PHC2: variants seen among roughly 807,000 people sequenced by gnomAD.
PHC2 encodes polyhomeotic-like protein 2.
Under a neutral mutation model 87.4 loss-of-function variants are expected in PHC2, and 29 were observed. The observed-to-expected ratio is 0.33, with a 90% CI of 0.25 to 0.45. PHC2 has a LOEUF of 0.45. PHC2 is among the 20% of genes least tolerant of loss of function. The pLI is 1.00. For missense variants in PHC2, 857 were observed against 1,136.7 expected (o/e 0.75, Z 3.54); for synonymous variants, 438 against 461.7 (o/e 0.95, Z 0.66).
At chr1:33,346,013 A>C (rs1452743327) in intron 9 of PHC2, 1 of 985,172 alleles carries the variant, frequency 1.0e-6, no homozygotes, top group Non-Finnish European at 1.2e-6. Flanking sequence ...TTAACTGGTG[A>C]CTCATAGTTT....
At chr1:33,384,394 A>G (rs1648639118) in intron 1 of PHC2, among the ~76,000 whole-genome samples, 1 of 152,234 alleles carries the variant, frequency 6.6e-6, no homozygotes, top group African/African-American at 2.4e-5. Context: ...GATGGTCATA[A>G]TGAAGTCCCT....
At chr1:33,333,390 C>G (rs572162762) in intron 10 of PHC2, 2 of 152,572 alleles carry the variant, frequency 1.3e-5, no homozygotes, top group Non-Finnish European at 2.9e-5. Flanking sequence ...TTCATCAGAA[C>G]AGAGGCTGGT....
intron 9 of PHC2, among the ~76,000 whole-genome samples, chr1:33,341,080 A>G (rs1156786970): frequency 6.6e-6 from 1 of 152,158 alleles, no homozygotes; most frequent in Non-Finnish European, 1.5e-5. Context: ...GGTCACAAAA[A>G]AAGACTCTAG....
In PHC2 at chr1:33,354,481, TGTG is replaced by T. The variant is rs747897932; in HGVS notation, c.1475_1477del (p.Pro492del). 33 of 1,613,980 alleles carry T rather than the reference TGTG, an allele frequency of 2.0e-5. No homozygotes were observed. The highest frequency in any genetic ancestry group is 6.7e-5 in the African/African-American group (5 of 74,900). On this transcript the variant is annotated inframe_deletion, in exon 9 of 15. Coordinates refer to ENST00000683057, the MANE Select transcript of PHC2 (RefSeq NM_001385109.1). ...CATGGCAGTGACAATAGCCTGCTGA[TGTG>T]GTGATGGGCCAGACCGCGTCTCAGG...
chr1:33,365,480 C>T (rs933618905), intron 7 of PHC2, among the ~76,000 whole-genome samples: 2 of 152,112 alleles, frequency 1.3e-5, no homozygotes, highest in African/African-American at 4.8e-5. Flanking sequence ...GCAGATGGTC[C>T]GCCAGGGCAT....
chr1:33,347,363 C>A (rs1402052861), intron 9 of PHC2: 9 of 985,272 alleles, frequency 9.1e-6, no homozygotes, highest in Non-Finnish European at 1.1e-5. Flanking sequence ...AGAATGATGA[C>A]TGTGACAGAA....
chr1:33,341,618 T>C (rs1646746926), intron 9 of PHC2, among the ~76,000 whole-genome samples: 1 of 152,246 alleles, frequency 6.6e-6, no homozygotes, highest in South Asian at 2.1e-4. Context: ...TGCTATTATT[T>C]AATATCATGT....
chr1:33,357,049 CA>C (rs1428353069), intron 7 of PHC2, among the ~76,000 whole-genome samples: 2 of 152,256 alleles, frequency 1.3e-5, no homozygotes, highest in African/African-American at 4.8e-5. Flanking sequence ...TTGCACAGAT[CA>C]CTCTCTGGCT....
At chr1:33,399,218 A>G (rs1649416022) in intron 1 of PHC2, among the ~76,000 whole-genome samples, 1 of 152,098 alleles carries the variant, frequency 6.6e-6, no homozygotes, top group Non-Finnish European at 1.5e-5. Flanking sequence ...AGAAAGAACA[A>G]TCCTTGAAGG....
At chr1:33,379,584 G>T (rs1259615904) in intron 1 of PHC2, among the ~76,000 whole-genome samples, 2 of 144,112 alleles carry the variant, frequency 1.4e-5, no homozygotes, top group Non-Finnish European at 3.0e-5. Flanking sequence ...CCTGCCCCTG[G>T]TCCCTGCCAT....
At chr1:33,390,092 GGGCT>G (rs1230739170) in intron 1 of PHC2, among the ~76,000 whole-genome samples, 3 of 152,106 alleles carry the variant, frequency 2.0e-5, no homozygotes, top group African/African-American at 7.2e-5. Context: ...AAGTAGAGTG[GGGCT>G]GGCTGTGAGG....
chr1:33,377,613 T>G (rs1444863332), intron 1 of PHC2, among the ~76,000 whole-genome samples: 1 of 151,910 alleles, frequency 6.6e-6, no homozygotes, highest in Non-Finnish European at 1.5e-5. Context: ...ACCCATTCCT[T>G]CCTACATGGA....
At chr1:33,346,598 A>G in intron 9 of PHC2, 1 of 985,390 alleles carries the variant, frequency 1.0e-6, no homozygotes, top group Non-Finnish European at 1.2e-6. Context: ...TAAACACCGT[A>G]CTAATGATGA....
intron 4 of PHC2, 21 bp from the exon 5 acceptor site, chr1:33,370,606 G>A (rs200556589): frequency 6.7e-5 from 107 of 1,601,140 alleles, no homozygotes; most frequent in Admixed American, 2.7e-4. Flanking sequence ...AGACATGTGC[G>A]GTAGGAGATA....
intron 9 of PHC2, chr1:33,346,092 A>C (rs554283214): frequency 1.0e-6 from 1 of 985,334 alleles, no homozygotes; most frequent in Non-Finnish European, 1.2e-6. Context: ...GGGGTAGTTC[A>C]GTTTTGGGTT....
Position 33,330,214 on chromosome 1 carries a change from T to G in PHC2, c.2007-2A>C. 6.2e-7 allele frequency: 1 copy of G among 1,613,978 alleles called. No homozygotes were observed. Among genetic ancestry groups the G allele is most frequent in the Non-Finnish European group, 8.5e-7 (1 of 1,179,974 alleles). ...CGTTTGGTGCATCCCACGTTGTACC[T>G]TCAGGGACAGGGGAACAGGGGATGT... On this transcript the variant is annotated splice_acceptor_variant, in intron 12 of 14. Coordinates refer to ENST00000683057, the MANE Select transcript of PHC2 (RefSeq NM_001385109.1). LOFTEE classifies it high-confidence loss of function.
chr1:33,421,671 C>T (rs1650439906), intron 1 of PHC2, among the ~76,000 whole-genome samples: 1 of 152,194 alleles, frequency 6.6e-6, no homozygotes, highest in Non-Finnish European at 1.5e-5. Flanking sequence ...GCAAGCAACT[C>T]CAAGACATGG....
Position 33,331,297 on chromosome 1 carries a change from T to G in PHC2, c.2006+51A>C, listed in dbSNP as rs767515065. ...GGGGTAGACTATTAATGGCAGGAGG[T>G]GGGACATAAAGTGCAGTCCTGGGGA... On this transcript the variant is annotated intron_variant, in intron 12 of 14. Coordinates refer to ENST00000683057, the MANE Select transcript of PHC2 (RefSeq NM_001385109.1). The surrounding 1 kb of genome is among the most constrained non-coding windows in gnomAD (Gnocchi z 5.2). 68 of 971,656 alleles carry G rather than the reference T, an allele frequency of 7.0e-5. No individual in the cohort carries two copies. The highest frequency in any genetic ancestry group is 1.4e-5 in the South Asian group (1 of 71,332). The allele number at this position is 971,656 out of a possible 1,614,324, so 60.2% of individuals were successfully genotyped here. A position where few individuals can be genotyped will look rare whatever the true frequency, so the allele number is the denominator to read the frequency against.
intron 1 of PHC2, among the ~76,000 whole-genome samples, chr1:33,400,026 A>T (rs1649456416): frequency 6.6e-6 from 1 of 151,658 alleles, no homozygotes; most frequent in Non-Finnish European, 1.5e-5. Flanking sequence ...GTTCATTATT[A>T]TTTGTAAAAA....
Sources: gnomAD v4.1 joint callset for allele counts (sites outside exome capture counted in the v4.1 genomes callset) on GRCh38, gnomAD v4.1.1 for gene constraint, Gnocchi (gnomAD v3.1) non-coding constraint, MANE v1.5 for transcripts, NCBI Gene and HGNC (gene_info 2026-07-23, HGNC 2026-07-21) for gene names.